The following EPHA6 variants were observed in gnomAD, a reference collection of about 807,000 sequenced individuals.
EPHA6 encodes the protein ephrin type-A receptor 6.
In EPHA6, 50 loss-of-function variants were observed where a neutral mutation model predicts 112.0. That is an observed-to-expected ratio of 0.45 (90% CI 0.36 to 0.56). The LOEUF (loss-of-function observed/expected upper bound fraction) is 0.56. Ranked by LOEUF, EPHA6 falls within the 20% of genes least tolerant of loss-of-function variation. The pLI is 0.00. For missense variants in EPHA6, 1,280 were observed against 1,417.4 expected, an observed-to-expected ratio of 0.90 and a Z score of 1.56; for synonymous variants, 529 against 490.7, an observed-to-expected ratio of 1.08 and a Z score of -1.03.
At chr3:97,518,564 T>G (rs373757896) in intron 10 of EPHA6, among the ~76,000 whole-genome samples, 1 of 152,004 alleles carries the variant, frequency 6.6e-6, no homozygotes, top group South Asian at 2.1e-4. Context: ...CCATACTGTT[T>G]TCCATAGTGG....
chr3:97,272,486 C>T (rs2079920229), intron 5 of EPHA6, among the ~76,000 whole-genome samples: 1 of 152,114 alleles, frequency 6.6e-6, no homozygotes, highest in African/African-American at 2.4e-5. Flanking sequence ...TGTGAAGAGA[C>T]CACCAAACAG....
intron 3 of EPHA6, among the ~76,000 whole-genome samples, chr3:97,021,322 A>G (rs2044451414): frequency 6.6e-6 from 1 of 151,794 alleles, no homozygotes; most frequent in Admixed American, 6.6e-5. Context: ...GCTCAGGATG[A>G]CCTCTTCTCC....
chr3:96,886,487 A>G (rs115805824), intron 2 of EPHA6, among the ~76,000 whole-genome samples: 6 of 152,228 alleles, frequency 3.9e-5, no homozygotes, highest in Admixed American at 2.6e-4. Flanking sequence ...TGATACAAAA[A>G]TAACTACCCT....
intron 7 of EPHA6, among the ~76,000 whole-genome samples, chr3:97,462,757 C>T (rs1161210200): frequency 6.6e-6 from 1 of 152,046 alleles, no homozygotes; most frequent in East Asian, 1.9e-4. Flanking sequence ...TGAATAAAAT[C>T]ACATTTTGTT....
At chr3:97,089,725 C>T (rs1364914154) in intron 3 of EPHA6, among the ~76,000 whole-genome samples, 2 of 152,086 alleles carry the variant, frequency 1.3e-5, no homozygotes, top group African/African-American at 2.4e-5. Context: ...CGTGGCTTCA[C>T]AGCAGAGCCA....
chr3:96,922,054 A>G (rs761920332), intron 2 of EPHA6, among the ~76,000 whole-genome samples: 91 of 151,366 alleles, frequency 6.0e-4, no homozygotes, highest in Non-Finnish European at 1.0e-3. Flanking sequence ...GAGAGAGAGA[A>G]AAAGAGAATG....
chr3:97,512,191 T>A (rs751084202), intron 10 of EPHA6, among the ~76,000 whole-genome samples: 4 of 152,176 alleles, frequency 2.6e-5, no homozygotes, highest in Middle Eastern at 3.2e-3. Flanking sequence ...CCTGTTATGG[T>A]CCTTGGAGAA....
intron 2 of EPHA6, among the ~76,000 whole-genome samples, chr3:96,941,284 G>A (rs1163110691): frequency 1.3e-5 from 2 of 152,148 alleles, no homozygotes; most frequent in Non-Finnish European, 2.9e-5. Flanking sequence ...ATTTCCTGGA[G>A]GCTTTGTTCG....
At chr3:97,436,918 T>C (rs974208773) in intron 6 of EPHA6, among the ~76,000 whole-genome samples, 1 of 152,210 alleles carries the variant, frequency 6.6e-6, no homozygotes, top group African/African-American at 2.4e-5. Context: ...AGATAAATTT[T>C]ATTGTGTATA....
chr3:97,175,679 C>A (rs985159555), intron 3 of EPHA6, among the ~76,000 whole-genome samples: 4 of 151,462 alleles, frequency 2.6e-5, no homozygotes, highest in African/African-American at 7.3e-5. Flanking sequence ...TCAAAAATTT[C>A]TTTTTCACAT....
At chr3:97,434,500 G>A (rs916466521) in intron 6 of EPHA6, among the ~76,000 whole-genome samples, 6 of 152,086 alleles carry the variant, frequency 3.9e-5, no homozygotes, top group African/African-American at 1.4e-4. Context: ...TAATTGTAGT[G>A]TTTATTTTGG....
At position 97,293,601 on chromosome 3, in the gene EPHA6, G is replaced by T. The variant is rs574071673; in HGVS notation, c.1606+49314G>T. On this transcript the variant is annotated intron_variant, in intron 5 of 17. Transcript: ENST00000389672. ...GAGTCTGATTCCAGGGTTTTTATGGGCTCAGAAGGGAGGAAGCCTGTCCTG... is the reference window on the plus strand; with the variant it reads ...GAGTCTGATTCCAGGGTTTTTATGGTCTCAGAAGGGAGGAAGCCTGTCCTG... 8.5e-5 allele frequency among the ~76,000 whole-genome samples: 13 copies of T among 152,350 alleles called. No individual in the cohort carries two copies. The South Asian group carries it at 1.7e-3, about 19-fold the overall frequency.
In EPHA6 at chr3:97,750,090, T is replaced by C. The variant is rs1191632837; in HGVS notation, c.*1389T>C. 6.6e-6 allele frequency among the ~76,000 whole-genome samples: 1 copy of C among 152,158 alleles called. No individual in the cohort carries two copies. The highest frequency in any genetic ancestry group is 1.9e-4 in the East Asian group (1 of 5,202). ...TATATCTTATGAACAAATTAAATTA[T>C]AAAATCAGCTGCTCCCTGTAAAACT... is the stretch of plus-strand genomic sequence containing the variant. On this transcript the variant is annotated 3_prime_UTR_variant, in exon 18 of 18. Transcript: ENST00000389672.
chr3:97,517,403 C>G (rs2092464210), intron 10 of EPHA6, among the ~76,000 whole-genome samples: 1 of 151,664 alleles, frequency 6.6e-6, no homozygotes, highest in Non-Finnish European at 1.5e-5. Flanking sequence ...AGATTGAATG[C>G]TATCAGAAAG....
At chr3:96,945,182 C>T (rs976682600) in intron 2 of EPHA6, among the ~76,000 whole-genome samples, 6 of 152,086 alleles carry the variant, frequency 3.9e-5, no homozygotes, top group East Asian at 3.9e-4. Flanking sequence ...GTATTGCAAC[C>T]GGTCTGGTCC....
intron 6 of EPHA6, among the ~76,000 whole-genome samples, chr3:97,415,027 G>T (rs990197903): frequency 3.3e-5 from 5 of 152,072 alleles, no homozygotes; most frequent in Admixed American, 2.0e-4. Context: ...GGGGAAAACA[G>T]AGTAACCTAG....
chr3:97,664,555 T>G (rs1487326171), intron 14 of EPHA6, among the ~76,000 whole-genome samples: 1 of 152,168 alleles, frequency 6.6e-6, no homozygotes, highest in Non-Finnish European at 1.5e-5. Context: ...ATGACATGAT[T>G]GTATATCTAG....
intron 1 of EPHA6, among the ~76,000 whole-genome samples, chr3:96,818,748 A>T (rs1453280830): frequency 4.6e-5 from 7 of 151,948 alleles, no homozygotes; most frequent in Admixed American, 4.6e-4. Flanking sequence ...AAATGCTGAA[A>T]ATATTAAAAA....
Position 97,755,227 on chromosome 3 carries a change from T to C in EPHA6, c.*6526T>C, listed in dbSNP as rs1299157022. ...GACAGATGAGGAGGAAAAGTAGCTC[T>C]TAAATGTTAAATAAAGATGTGGCTT... On this transcript the variant is annotated 3_prime_UTR_variant, in exon 18 of 18. Coordinates refer to ENST00000389672, the MANE Select transcript of EPHA6 (RefSeq NM_001080448.3). Among the ~76,000 whole-genome samples, 1 of 152,184 alleles carries C rather than the reference T, an allele frequency of 6.6e-6. No homozygotes were observed. The highest frequency in any genetic ancestry group is 1.5e-5 in the Non-Finnish European group (1 of 68,022).
Sources: allele counts gnomAD v4.1 joint callset (sites outside exome capture counted in the v4.1 genomes callset), GRCh38; gene constraint gnomAD v4.1.1; transcripts MANE v1.5; gene names NCBI Gene and HGNC (gene_info 2026-07-23, HGNC 2026-07-21).